FMNL3: variants seen among roughly 807,000 people sequenced by gnomAD.
FMNL3 encodes the protein formin-like protein 3.
Under a neutral mutation model 119.6 loss-of-function variants are expected in FMNL3, and 57 were observed. That is an observed-to-expected ratio of 0.48 (90% CI 0.39 to 0.59). FMNL3 has a LOEUF of 0.59. Among genes scored for constraint, FMNL3 ranks in the 20% least tolerant of loss-of-function variants. The pLI, the probability that FMNL3 is intolerant of heterozygous loss-of-function variation, is 0.00. For missense variants in FMNL3, 1,053 were observed against 1,323.5 expected (o/e 0.80, Z 3.17); for synonymous variants, 491 against 507.3 (o/e 0.97, Z 0.43).
intron 1 of FMNL3, among the ~76,000 whole-genome samples, chr12:49,693,636 G>GTTTTT (rs71080198): frequency 3.2e-5 from 2 of 63,362 alleles, no homozygotes; most frequent in African/African-American, 1.3e-4. Flanking sequence ...CCCAATCTTG[G>GTTTTT]TTTTTTTTTT....
chr12:49,685,288 C>A (rs779186931), intron 1 of FMNL3, among the ~76,000 whole-genome samples: 1 of 152,028 alleles, frequency 6.6e-6, no homozygotes, highest in Non-Finnish European at 1.5e-5. Context: ...AGTTCGAGAC[C>A]AGCCTAAGCT....
intron 1 of FMNL3, among the ~76,000 whole-genome samples, chr12:49,677,238 G>A (rs1471039385): frequency 6.6e-6 from 1 of 152,208 alleles, no homozygotes; most frequent in Admixed American, 6.5e-5. Flanking sequence ...ATGGAATTGT[G>A]ACTTATGGTT....
chr12:49,651,354 C>T (rs199901389), intron 15 of FMNL3, 28 bp downstream of exon 15: 1 of 1,589,698 alleles, frequency 6.3e-7, no homozygotes, highest in Admixed American at 1.7e-5. Flanking sequence ...GTCCCACCAG[C>T]CCTGCCCAGA....
intron 1 of FMNL3, among the ~76,000 whole-genome samples, chr12:49,673,751 C>T (rs1944108005): frequency 6.6e-6 from 1 of 152,276 alleles, no homozygotes; most frequent in South Asian, 2.1e-4. Context: ...AGTCCTCCTC[C>T]ACCCAGCCCG....
At position 49,638,987 on chromosome 12, in the gene FMNL3, A is replaced by G. The variant is rs553939530; in HGVS notation, c.*6828T>C. 1 of 152,342 alleles carries G rather than the reference A, an allele frequency of 6.6e-6. No homozygotes were observed. The highest frequency in any genetic ancestry group is 2.4e-5 in the African/African-American group (1 of 41,576). 9.4% of individuals were successfully genotyped at this position (152,342 alleles called of 1,614,324 possible). On this transcript the variant is annotated 3_prime_UTR_variant, in exon 26 of 26. Coordinates refer to ENST00000335154, the MANE Select transcript of FMNL3 (RefSeq NM_175736.5). ...ATTACCTATTTAATATAAATTTAAT[A>G]TTTTAAATTACTTACCATTAGGTAA...
rs773578582 is a variant in FMNL3, at chr12:49,665,849, AAG to A, written c.349_350del (p.Leu117SerfsTer14). On this transcript the variant is annotated frameshift_variant, in exon 4 of 26. Transcript: ENST00000335154. LOFTEE classifies it high-confidence loss of function. ...CAACTCACCCAATGTGGTTGGTGCG[AAG>A]AGAGATCTCCAGCTCCCTTAGTACT... Reference protein sequence around the residue: ...TKVLRELEISLRTNHIGWVRE... With the variant: ...TKVLRELEISXRTNHIGWVRE... 2.5e-6 allele frequency: 4 copies of A among 1,614,210 alleles called. No individual in the cohort carries two copies. The highest frequency in any genetic ancestry group is 3.4e-6 in the Non-Finnish European group (4 of 1,180,036).
rs1165535649 is a variant in FMNL3 at position 49,656,825 on chromosome 12, T to C, written c.789A>G (p.Pro263=). 6.2e-7 allele frequency: 1 copy of C among 1,613,742 alleles called. No individual in the cohort carries two copies. Among genetic ancestry groups the C allele is most frequent in the African/African-American group, 1.3e-5 (1 of 75,036 alleles). ...EIALSLNNKN[P]RTKALVLELL... is the part of the protein sequence containing the mutation. ...GAAAGGGGAGGGAAGGAACTCACCT[T>C]GGATTCTTGTTATTGAGGCTAAGTG... Residue 263 remains proline, a splice_region_variant and synonymous_variant, in exon 8 of 26, where the codon CCA becomes CCG. Coordinates refer to ENST00000335154, the MANE Select transcript of FMNL3 (RefSeq NM_175736.5).
rs1369329038 is a variant in FMNL3, at chr12:49,652,207, T to C, written c.1329A>G (p.Thr443=). The C allele has an allele frequency of 1.9e-6, 3 of 1,612,136 alleles. No individual in the cohort carries two copies. Among genetic ancestry groups the C allele is most frequent in the Non-Finnish European group, 1.7e-6 (2 of 1,179,300 alleles). ...GCACCTGGTGGCTTGTGTTCTCATA[T>C]GTCTCCTGGCAGGCAGACAGCACCA... ...REKELESIKE[T]YENTSHQVHT... Residue 443 remains threonine (T), a synonymous_variant, in exon 14 of 26, where the codon ACA becomes ACG. Coordinates refer to ENST00000335154, the MANE Select transcript of FMNL3 (RefSeq NM_175736.5).
chr12:49,645,157 T>G lies in FMNL3; in HGVS notation c.*658A>C, dbSNP rs971563851. 5.7e-5 allele frequency: 8 copies of G among 141,108 alleles called. No individual in the cohort carries two copies. The highest frequency in any genetic ancestry group is 2.2e-4 in the African/African-American group (8 of 36,602). The allele number at this position is 141,108 out of a possible 1,614,324, so 8.7% of individuals were successfully genotyped here. On this transcript the variant is annotated 3_prime_UTR_variant, in exon 26 of 26. Coordinates refer to ENST00000335154, the MANE Select transcript of FMNL3 (RefSeq NM_175736.5). ...GTAGCTGAGGAAAGAAGGTGAAGAGTTGGCACACCCTTTCTCCAGCCATCT... is the reference window on the plus strand; with the variant it reads ...GTAGCTGAGGAAAGAAGGTGAAGAGGTGGCACACCCTTTCTCCAGCCATCT...
chr12:49,685,939 C>T (rs1328144501), intron 1 of FMNL3, among the ~76,000 whole-genome samples: 7 of 151,982 alleles, frequency 4.6e-5, no homozygotes, highest in South Asian at 2.1e-4. Flanking sequence ...TGGTGGCGGG[C>T]GCCTGTAATC....
chr12:49,649,686 T>G lies in FMNL3; in HGVS notation c.2235+5A>C. 1 of 1,614,020 alleles carries G rather than the reference T, an allele frequency of 6.2e-7. No homozygotes were observed. The highest frequency in any genetic ancestry group is 8.5e-7 in the Non-Finnish European group (1 of 1,179,924). ...CCAGAGCCATGAGTTGGGTGGGGGC[T>G]GTACCGGTGTGAGCATCTGCAGGTT... is the stretch of plus-strand genomic sequence containing the variant. On this transcript the variant is annotated splice_donor_5th_base_variant and intron_variant, in intron 18 of 25. Coordinates refer to ENST00000335154, the MANE Select transcript of FMNL3 (RefSeq NM_175736.5). The surrounding 1 kb of genome is among the most constrained non-coding windows in gnomAD (Gnocchi z 5.6).
At position 49,636,863 on chromosome 12, in the gene FMNL3, C is replaced by A; in HGVS notation, c.*8952G>T. On this transcript the variant is annotated 3_prime_UTR_variant, in exon 26 of 26. Coordinates refer to ENST00000335154, the MANE Select transcript of FMNL3 (RefSeq NM_175736.5). ...GAGGCCTTCCAGGTATCTTTGCTGTCCTTTCTAGATCAGAGCTCAGCTCTG... is the reference window on the plus strand; with the variant it reads ...GAGGCCTTCCAGGTATCTTTGCTGTACTTTCTAGATCAGAGCTCAGCTCTG... 1 of 1,613,300 alleles carries A rather than the reference C, an allele frequency of 6.2e-7. No homozygotes were observed. The highest frequency in any genetic ancestry group is 1.1e-5 in the South Asian group (1 of 91,036).
In FMNL3 at chr12:49,643,325, CT is replaced by C; in HGVS notation, c.*2489del. The C allele has an allele frequency of 6.2e-7, 1 of 1,608,700 alleles. No homozygotes were observed. The highest frequency in any genetic ancestry group is 1.1e-5 in the South Asian group (1 of 90,294). On this transcript the variant is annotated 3_prime_UTR_variant, in exon 26 of 26. Transcript: ENST00000335154. The stretch of plus-strand genomic sequence containing the variant: ...GTCAGGCTCTGAGCCCTCTTCCTCA[CT>C]TGATTCAGTTGAAAGTGGGGGTGCT...
rs377567845 is a variant in FMNL3 at position 49,651,382 on chromosome 12, C to T, written c.1672G>A (p.Ala558Thr). The change falls in exon 15 of 26, where the codon GCC (alanine) becomes ACC (threonine). Residue 558 changes from alanine to threonine, a missense_variant and splice_region_variant. Ala to Thr is a moderately conservative substitution (Grantham distance 58). Transcript: ENST00000335154. ...TGCCCAGAGCCCTGGGGATACTCAC[C>T]TGACAGGCCCACTGTCAACACCACA... ...PSVVLTVGLS[A>T]IRIKKPIKTK... 1 of 1,564,422 alleles carries T rather than the reference C, an allele frequency of 6.4e-7. No individual in the cohort carries two copies. Among genetic ancestry groups the T allele is most frequent in the South Asian group, 1.2e-5 (1 of 84,968 alleles).
rs1224397543 is a variant in FMNL3 at position 49,642,408 on chromosome 12, G to A, written c.*3407C>T. 1.2e-6 allele frequency: 2 copies of A among 1,609,162 alleles called. No individual in the cohort carries two copies. The highest frequency in any genetic ancestry group is 1.1e-5 in the South Asian group (1 of 90,932). ...TAGCCTGGCCCCAAGCACCCCTCAA[G>A]CCTGAGGGCAGCGGTGCTTCACCAC... On this transcript the variant is annotated 3_prime_UTR_variant, in exon 26 of 26. Transcript: ENST00000335154. The surrounding 1 kb of genome is among the most constrained non-coding windows in gnomAD (Gnocchi z 5.8).
At chr12:49,648,958 C>G in intron 21 of FMNL3, 71 bp downstream of exon 21, 1 of 1,518,936 alleles carries the variant, frequency 6.6e-7, no homozygotes, top group Non-Finnish European at 8.8e-7. Context: ...AGTGTTCTCT[C>G]TCCTCATAGC....
rs143028418 is a variant in FMNL3, at chr12:49,641,958, C to T, written c.*3857G>A. ...ACACGGCCTTTGAGGACTTCGCCCACGTCATAAGCTTTGACAAGAGGGCTG... is the reference window on the plus strand; with the variant it reads ...ACACGGCCTTTGAGGACTTCGCCCATGTCATAAGCTTTGACAAGAGGGCTG... On this transcript the variant is annotated 3_prime_UTR_variant, in exon 26 of 26. Coordinates refer to ENST00000335154, the MANE Select transcript of FMNL3 (RefSeq NM_175736.5). 25 of 1,613,874 alleles carry T rather than the reference C, an allele frequency of 1.5e-5. No homozygotes were observed. Among genetic ancestry groups the T allele is most frequent in the Admixed American group, 1.0e-4 (6 of 60,008 alleles).
rs1410500688 is a variant in FMNL3, at chr12:49,653,733, C to T, written c.1213G>A (p.Val405Met). 1.2e-6 allele frequency: 2 copies of T among 1,614,120 alleles called. No individual in the cohort carries two copies. The highest frequency in any genetic ancestry group is 1.7e-6 in the Non-Finnish European group (2 of 1,179,970). Reference sequence around the variant, plus strand: ...AAAGGAAGACCACCTACATGGGACACATGCTCCTCCAACTCCTCCACCTTC... The same window carrying T: ...AAAGGAAGACCACCTACATGGGACATATGCTCCTCCAACTCCTCCACCTTC... ...LEKVEELEEH[V>M]SHLTEKLLDL... The change falls in exon 12 of 26, where the codon GTG becomes ATG. Residue 405 changes from valine (V) to methionine (M), a missense_variant. Around this residue, in one of 4 missense-constraint regions of FMNL3, gnomAD observed 445 missense variants for 628.4 expected, o/e 0.71. Coordinates refer to ENST00000335154, the MANE Select transcript of FMNL3 (RefSeq NM_175736.5).
rs756620011 is a variant in FMNL3, at chr12:49,641,887, C to CA, written c.*3927dup. 52 of 1,607,632 alleles carry CA rather than the reference C, an allele frequency of 3.2e-5. No individual in the cohort carries two copies. In the East Asian group the frequency reaches 1.2e-3, roughly 36 times the overall value. ...CCTCAGGCACGTGGTGCCCCTGCTT[C>CA]ATGCACTGCTGTACCCACAGGACCG... On this transcript the variant is annotated 3_prime_UTR_variant, in exon 26 of 26. Coordinates refer to ENST00000335154, the MANE Select transcript of FMNL3 (RefSeq NM_175736.5).
Sources: allele counts gnomAD v4.1 joint callset (sites outside exome capture counted in the v4.1 genomes callset), GRCh38; gene constraint gnomAD v4.1.1; regional missense constraint gnomAD v4.1.1; non-coding constraint Gnocchi (gnomAD v3.1); transcripts MANE v1.5; gene names NCBI Gene and HGNC (gene_info 2026-07-23, HGNC 2026-07-21).